Variants in FER observed in about 807,000 individuals in gnomAD.
FER encodes tyrosine-protein kinase Fer.
In FER, 63 loss-of-function variants were observed where a neutral mutation model predicts 111.0. The ratio of observed to expected loss-of-function variants is 0.57; its 90% CI spans 0.46 to 0.70. The LOEUF is 0.70. Among genes scored for constraint, FER ranks in the 30% least tolerant of loss-of-function variants. The pLI is 0.00. For synonymous variants in FER, 327 were observed against 313.9 expected (o/e 1.04, Z -0.44); for missense variants, 914 against 954.0 (o/e 0.96, Z 0.55).
intron 13 of FER, among the ~76,000 whole-genome samples, chr5:109,002,738 A>G (rs1283949393): frequency 6.6e-6 from 1 of 152,244 alleles, no homozygotes; most frequent in Non-Finnish European, 1.5e-5. Context: ...CAAAGGGCTA[A>G]TATCCAGAAT....
At chr5:108,984,159 C>A (rs1162794867) in intron 13 of FER, among the ~76,000 whole-genome samples, 1 of 150,252 alleles carries the variant, frequency 6.7e-6, no homozygotes, top group Non-Finnish European at 1.5e-5. Flanking sequence ...TTTTATTCTT[C>A]CAAAAGTAAA....
intron 17 of FER, 118 bp from the exon 18 acceptor site, chr5:109,180,629 T>C (rs1357364090): frequency 5.2e-5 from 61 of 1,172,170 alleles, no homozygotes; most frequent in Non-Finnish European, 7.3e-5. Flanking sequence ...TCACAAGCAT[T>C]CTTAACCTCA....
chr5:109,146,633 A>G (rs75595871), intron 17 of FER, among the ~76,000 whole-genome samples: 2 of 151,926 alleles, frequency 1.3e-5, no homozygotes, highest in African/African-American at 2.4e-5. Context: ...TGAAGTACCT[A>G]TAAGACATCA....
chr5:108,772,125 T>A (rs1561394370), intron 2 of FER, among the ~76,000 whole-genome samples: 1 of 151,996 alleles, frequency 6.6e-6, no homozygotes, highest in Non-Finnish European at 1.5e-5. Context: ...TGCAGCCTCT[T>A]TTATAGGGCA....
At chr5:109,033,695 C>T (rs1769964083) in intron 13 of FER, among the ~76,000 whole-genome samples, 1 of 152,006 alleles carries the variant, frequency 6.6e-6, no homozygotes, top group South Asian at 2.1e-4. Context: ...CATCTTTATC[C>T]AATTTAACGG....
chr5:109,025,934 A>AT (rs1414712966), intron 13 of FER, among the ~76,000 whole-genome samples: 1 of 152,126 alleles, frequency 6.6e-6, no homozygotes, highest in Non-Finnish European at 1.5e-5. Flanking sequence ...CTGTATCAGC[A>AT]TTTTTTCACT....
intron 10 of FER, among the ~76,000 whole-genome samples, chr5:108,898,970 C>T (rs1749598176): frequency 6.6e-6 from 1 of 151,772 alleles, no homozygotes; most frequent in African/African-American, 2.4e-5. Flanking sequence ...CTTGGCATTT[C>T]CTGTGGGTAA....
At chr5:109,138,239 T>C (rs1382895253) in intron 17 of FER, among the ~76,000 whole-genome samples, 2 of 152,210 alleles carry the variant, frequency 1.3e-5, no homozygotes, top group East Asian at 3.8e-4. Flanking sequence ...TCAGGATGTT[T>C]CATAATTCAT....
chr5:109,155,355 T>G (rs1755250343), intron 17 of FER, among the ~76,000 whole-genome samples: 1 of 151,898 alleles, frequency 6.6e-6, no homozygotes. Flanking sequence ...ATGAACATTT[T>G]GGGGGTTAGT....
At chr5:109,154,593 G>T (rs1348879920) in intron 17 of FER, among the ~76,000 whole-genome samples, 1 of 151,812 alleles carries the variant, frequency 6.6e-6, no homozygotes. Flanking sequence ...AAAGATGGAA[G>T]GAAAGAGGAA....
intron 1 of FER, among the ~76,000 whole-genome samples, chr5:108,751,965 T>TA (rs547043504): frequency 2.9e-4 from 44 of 152,304 alleles, no homozygotes; most frequent in South Asian, 8.3e-4. Context: ...TTTTCATACT[T>TA]ACCTCGTTCA....
intron 1 of FER, among the ~76,000 whole-genome samples, chr5:108,764,996 A>C (rs959117012): frequency 1.3e-5 from 2 of 152,150 alleles, no homozygotes; most frequent in African/African-American, 4.8e-5. Flanking sequence ...GCATCACCCT[A>C]GTCCCATTTG....
chr5:108,787,049 C>T (rs1018963735), intron 2 of FER, among the ~76,000 whole-genome samples: 9 of 151,972 alleles, frequency 5.9e-5, no homozygotes, highest in Non-Finnish European at 8.8e-5. Flanking sequence ...TGGGAACAGG[C>T]GGGAGCTTTG....
chr5:108,787,118 C>A (rs1296290037), intron 2 of FER, among the ~76,000 whole-genome samples: 1 of 152,090 alleles, frequency 6.6e-6, no homozygotes, highest in East Asian at 1.9e-4. Flanking sequence ...AAGCCCCCTG[C>A]CCCTGTAGGC....
At chr5:108,991,656 G>A (rs1415251004) in intron 13 of FER, among the ~76,000 whole-genome samples, 1 of 151,198 alleles carries the variant, frequency 6.6e-6, no homozygotes, top group Non-Finnish European at 1.5e-5. Flanking sequence ...TTATTCATTT[G>A]TTATTCATTC....
rs143605791 is a variant in FER at position 109,026,561 on chromosome 5, G to A, written c.1657-10861G>A. The stretch of plus-strand genomic sequence containing the variant: ...GGAATAAATGTGCTGAGCCAGCTAG[G>A]GAGATAATGAAGCAGGCTGACTGAA... On this transcript the variant is annotated intron_variant, in intron 13 of 19. Coordinates refer to ENST00000281092, the MANE Select transcript of FER (RefSeq NM_005246.4). 3.6e-4 allele frequency among the ~76,000 whole-genome samples: 55 copies of A among 152,114 alleles called. No homozygotes were observed. In the East Asian group the frequency reaches 0.01, roughly 28 times the overall value.
At chr5:108,946,769 GAACA>G (rs1196282334) in intron 11 of FER, among the ~76,000 whole-genome samples, 3 of 150,056 alleles carry the variant, frequency 2.0e-5, no homozygotes, top group Non-Finnish European at 4.5e-5. Flanking sequence ...TCATACACAT[GAACA>G]AACACACAGA....
At position 109,189,280 on chromosome 5, in the gene FER, CT is replaced by C. The variant is rs1286602339; in HGVS notation, c.*1709del. 4 of 152,086 alleles carry C rather than the reference CT, an allele frequency of 2.6e-5. No homozygotes were observed. Among genetic ancestry groups the C allele is most frequent in the African/African-American group, 7.2e-5 (3 of 41,400 alleles). The allele number at this position is 152,086 out of a possible 1,614,324, so 9.4% of individuals were successfully genotyped here. ...TCAGGGCTAAATATGTTCTGGAAGC[CT>C]TTTATAAGTTCTCAGGCCTGTGTCC... is the stretch of plus-strand genomic sequence containing the variant. On this transcript the variant is annotated 3_prime_UTR_variant, in exon 20 of 20. Transcript: ENST00000281092.
Position 109,168,733 on chromosome 5 carries a change from C to G in FER, c.2049-12014C>G, listed in dbSNP as rs569647383. ...TTGATGTTTCACAGAATTTTAAAAT[C>G]CTATGTCTTAGTTCTTACATAAGTA... is the stretch of plus-strand genomic sequence containing the variant. On this transcript the variant is annotated intron_variant, in intron 17 of 19. Coordinates refer to ENST00000281092, the MANE Select transcript of FER (RefSeq NM_005246.4). Among the ~76,000 whole-genome samples, 104 of 152,260 alleles carry G rather than the reference C, an allele frequency of 6.8e-4. 2 individuals carry two copies. The highest frequency in any genetic ancestry group is 2.3e-3 in the African/African-American group (94 of 41,552).
Sources: gnomAD v4.1 joint callset for allele counts (sites outside exome capture counted in the v4.1 genomes callset) on GRCh38, gnomAD v4.1.1 for gene constraint, MANE v1.5 for transcripts, NCBI Gene and HGNC (gene_info 2026-07-23, HGNC 2026-07-21) for gene names.